Variants in PDGFD observed in about 807,000 individuals in gnomAD.
PDGFD encodes the protein platelet-derived growth factor D.
PDGFD carries 30 observed loss-of-function variants against 44.7 expected under a neutral mutation model. That is an observed-to-expected ratio of 0.67 (90% CI 0.50 to 0.91). PDGFD has a LOEUF of 0.91. Among genes scored for constraint, PDGFD ranks in the 40% least tolerant of loss-of-function variants. The pLI is 0.00. For synonymous variants in PDGFD, 173 were observed against 168.4 expected (o/e 1.03, Z -0.21); for missense variants, 445 against 457.8 (o/e 0.97, Z 0.25).
intron 2 of PDGFD, among the ~76,000 whole-genome samples, chr11:103,998,772 A>T (rs1015919734): frequency 6.6e-6 from 1 of 152,148 alleles, no homozygotes; most frequent in African/African-American, 2.4e-5. Flanking sequence ...GTGGGATCTG[A>T]CACTGATTCC....
At chr11:104,005,484 T>C (rs1045902276) in intron 1 of PDGFD, among the ~76,000 whole-genome samples, 1 of 152,212 alleles carries the variant, frequency 6.6e-6, no homozygotes, top group African/African-American at 2.4e-5. Flanking sequence ...TAATGAATTA[T>C]AGATACAAAG....
chr11:103,908,399 T>C lies in PDGFD; in HGVS notation c.*1295A>G, dbSNP rs553572276. The C allele has an allele frequency of 9.2e-5, 14 of 152,332 alleles. No homozygotes were observed. Among genetic ancestry groups the C allele is most frequent in the African/African-American group, 3.1e-4 (13 of 41,576 alleles). 9.4% of individuals were successfully genotyped at this position (152,332 alleles called of 1,614,324 possible). On this transcript the variant is annotated 3_prime_UTR_variant, in exon 7 of 7. Coordinates refer to ENST00000393158, the MANE Select transcript of PDGFD (RefSeq NM_025208.5). ...CAGGGCCAAACTTGTGTTACCACAA[T>C]TGACAACTGGCTTCTTAAAGCAAGC... is the stretch of plus-strand genomic sequence containing the variant.
At chr11:103,998,707 A>C (rs1382306570) in intron 2 of PDGFD, among the ~76,000 whole-genome samples, 3 of 152,166 alleles carry the variant, frequency 2.0e-5, no homozygotes, top group African/African-American at 7.2e-5. Context: ...AGAGGCTTGG[A>C]AGCTGCAACT....
At chr11:104,053,090 T>C (rs373701607) in intron 1 of PDGFD, among the ~76,000 whole-genome samples, 1 of 152,194 alleles carries the variant, frequency 6.6e-6, no homozygotes, top group African/African-American at 2.4e-5. Flanking sequence ...TTTCTTATTA[T>C]GAAAATTGGA....
Position 104,119,158 on chromosome 11 carries a change from ATATAAC to A in PDGFD, c.124+44640_124+44645del. On this transcript the variant is annotated intron_variant, in intron 1 of 6. Transcript: ENST00000393158. ...TATAATATATTAATATAATATATTG[ATATAAC>A]ATATAATATATTAATATAATATATT... Among the ~76,000 whole-genome samples, 3 of 9,966 alleles carry A rather than the reference ATATAAC, an allele frequency of 3.0e-4. 1 individual carries two copies. The highest frequency in any genetic ancestry group is 8.5e-4 in the African/African-American group (3 of 3,550). The allele number at this position is 9,966 out of a possible 152,430, so 6.5% of individuals were successfully genotyped here.
chr11:103,964,008 G>T (rs11828867), intron 3 of PDGFD, among the ~76,000 whole-genome samples: 33 of 152,034 alleles, frequency 2.2e-4, no homozygotes, highest in African/African-American at 7.2e-4. Flanking sequence ...GTACTGTGTC[G>T]CCCATCTCTA....
chr11:104,045,699 A>C (rs1860430295), intron 1 of PDGFD, among the ~76,000 whole-genome samples: 1 of 122,786 alleles, frequency 8.1e-6, no homozygotes, highest in Non-Finnish European at 1.9e-5. Flanking sequence ...TGAACAAAGG[A>C]ATAGAAACTT....
intron 6 of PDGFD, among the ~76,000 whole-genome samples, chr11:103,922,556 G>A (rs888426382): frequency 2.1e-5 from 3 of 143,866 alleles, no homozygotes; most frequent in African/African-American, 5.1e-5. Context: ...ATTCCCCCCC[G>A]CCTTTTTGTT....
chr11:104,057,691 T>C (rs1284246879), intron 1 of PDGFD, among the ~76,000 whole-genome samples: 1 of 152,054 alleles, frequency 6.6e-6, no homozygotes, highest in Non-Finnish European at 1.5e-5. Flanking sequence ...GTTGAAATTT[T>C]AAAAAAGTCC....
intron 3 of PDGFD, among the ~76,000 whole-genome samples, chr11:103,978,302 T>A (rs921245455): frequency 1.3e-5 from 2 of 152,018 alleles, no homozygotes; most frequent in African/African-American, 2.4e-5. Flanking sequence ...TTTCTTTTTT[T>A]ATGAACATTT....
chr11:104,054,736 G>A (rs1860595510), intron 1 of PDGFD, among the ~76,000 whole-genome samples: 1 of 152,164 alleles, frequency 6.6e-6, no homozygotes, highest in Non-Finnish European at 1.5e-5. Flanking sequence ...AAGGGAAAAC[G>A]TTGGCTAGTT....
chr11:104,114,723 A>G lies in PDGFD; in HGVS notation c.124+49081T>C, dbSNP rs1199578327. ...TATTGACAATATTGAATCTTCCTAT[A>G]CATGACCATAGAATATCTCTCCATT... is the stretch of plus-strand genomic sequence containing the variant. On this transcript the variant is annotated intron_variant, in intron 1 of 6. Transcript: ENST00000393158. Among the ~76,000 whole-genome samples the G allele has an allele frequency of 2.0e-5, 3 of 152,164 alleles. No individual in the cohort carries two copies. In the East Asian group the frequency reaches 5.8e-4, roughly 29 times the overall value.
chr11:103,948,143 A>G (rs890482688), intron 3 of PDGFD, among the ~76,000 whole-genome samples: 1 of 152,224 alleles, frequency 6.6e-6, no homozygotes, highest in Non-Finnish European at 1.5e-5. Context: ...AAGAATAATA[A>G]TAATTATCAT....
chr11:103,969,477 T>TTTG (rs1859069861), intron 3 of PDGFD, among the ~76,000 whole-genome samples: 1 of 145,266 alleles, frequency 6.9e-6, no homozygotes, highest in South Asian at 2.2e-4. Context: ...AAGCCTGGTT[T>TTTG]TTTTTTTTTT....
chr11:104,102,405 G>A lies in PDGFD; in HGVS notation c.124+61399C>T, dbSNP rs373497395. ...ACCATCTCACACCAGTTAGAATGGC[G>A]ATCATTAAAAAGTCAGGAAACAACA... On this transcript the variant is annotated intron_variant, in intron 1 of 6. Transcript: ENST00000393158. Among the ~76,000 whole-genome samples, 42 of 152,018 alleles carry A rather than the reference G, an allele frequency of 2.8e-4. 1 individual carries two copies. Among genetic ancestry groups the A allele is most frequent in the South Asian group, 2.7e-3 (13 of 4,810 alleles).
At chr11:104,116,951 G>T (rs541943160) in intron 1 of PDGFD, among the ~76,000 whole-genome samples, 1 of 151,940 alleles carries the variant, frequency 6.6e-6, no homozygotes, top group Non-Finnish European at 1.5e-5. Context: ...GGAGCTGTAA[G>T]TTCAATTAAA....
chr11:104,080,074 C>T (rs1861022121), intron 1 of PDGFD, among the ~76,000 whole-genome samples: 1 of 152,168 alleles, frequency 6.6e-6, no homozygotes, highest in South Asian at 2.1e-4. Flanking sequence ...TAATTCTACA[C>T]TAACTGGGAC....
At chr11:104,045,327 T>C (rs1384989385) in intron 1 of PDGFD, among the ~76,000 whole-genome samples, 1 of 152,164 alleles carries the variant, frequency 6.6e-6, no homozygotes, top group African/African-American at 2.4e-5. Flanking sequence ...AAGTTAAGTA[T>C]CTTAAAAATG....
At chr11:104,000,285 G>C in intron 1 of PDGFD, 30 bp from the exon 2 acceptor site, 1 of 1,570,112 alleles carries the variant, frequency 6.4e-7, no homozygotes, top group Non-Finnish European at 8.8e-7. Context: ...GTAGAAATTA[G>C]TATGTTGCTC....
Sources: allele counts gnomAD v4.1 joint callset (sites outside exome capture counted in the v4.1 genomes callset), GRCh38; gene constraint gnomAD v4.1.1; transcripts MANE v1.5; gene names NCBI Gene and HGNC (gene_info 2026-07-23, HGNC 2026-07-21).